Variants in P4HA1 observed in about 807,000 individuals in gnomAD.
The protein encoded by P4HA1 is prolyl 4-hydroxylase subunit alpha 1, also known as prolyl 4-hydroxylase subunit alpha-1.
A neutral mutation model predicts 72.8 loss-of-function variants in P4HA1; 24 were observed. The ratio of observed to expected loss-of-function variants is 0.33; its 90% CI spans 0.24 to 0.46. P4HA1 has a LOEUF of 0.46. P4HA1 is among the 20% of genes least tolerant of loss of function. The pLI is 1.00. For synonymous variants in P4HA1, 201 were observed against 218.8 expected (o/e 0.92, Z 0.72); for missense variants, 446 against 640.6 (o/e 0.70, Z 3.28).
chr10:73,087,122 A>G lies in P4HA1; in HGVS notation c.-33+9644T>C, dbSNP rs532139763. On this transcript the variant is annotated intron_variant, in intron 1 of 14. Coordinates refer to ENST00000394890, the MANE Select transcript of P4HA1 (RefSeq NM_001017962.3). ...CCAACAGCAAAGGATGAAAGTTTCC[A>G]TTGCTCCCATTCTTACCAGCATTTT... 7.9e-5 allele frequency among the ~76,000 whole-genome samples: 12 copies of G among 151,822 alleles called. No individual in the cohort carries two copies. The East Asian group carries it at 2.1e-3, about 27-fold the overall frequency.
chr10:73,018,525 C>A (rs1018570936), intron 10 of P4HA1, among the ~76,000 whole-genome samples: 2 of 152,138 alleles, frequency 1.3e-5, no homozygotes, highest in African/African-American at 4.8e-5. Flanking sequence ...CATGCTTGGC[C>A]ATTCAGGGGT....
In P4HA1 at chr10:73,074,569, T is replaced by C. The variant is rs544820097; in HGVS notation, c.76+239A>G. On this transcript the variant is annotated intron_variant, in intron 2 of 14. Coordinates refer to ENST00000394890, the MANE Select transcript of P4HA1 (RefSeq NM_001017962.3). ...ATATATATGCAGTATATTACTTGTA[T>C]ATCTGTGCACTGAAAAAGACTAAGT... 2.0e-5 allele frequency among the ~76,000 whole-genome samples: 3 copies of C among 152,316 alleles called. No individual in the cohort carries two copies. In the South Asian group the frequency reaches 6.2e-4, roughly 32 times the overall value.
chr10:73,093,121 TAA>T (rs200388165), intron 1 of P4HA1, among the ~76,000 whole-genome samples: 47 of 135,294 alleles, frequency 3.5e-4, no homozygotes, highest in Admixed American at 5.2e-4. Context: ...TCCTATCTCT[TAA>T]AAAAAAAAAA....
At position 73,081,468 on chromosome 10, in the gene P4HA1, A is replaced by G. The variant is rs866714610; in HGVS notation, c.-32-6553T>C. The stretch of plus-strand genomic sequence containing the variant: ...TTACATTTTTTAAACTATAAGAAAA[A>G]AAGCAGTATGGAAGAAATCCTACCA... On this transcript the variant is annotated intron_variant, in intron 1 of 14. Transcript: ENST00000394890. Among the ~76,000 whole-genome samples the G allele has an allele frequency of 2.6e-5, 4 of 152,260 alleles. No homozygotes were observed. The South Asian group carries it at 6.2e-4, about 24-fold the overall frequency.
At chr10:73,060,898 T>C (rs1390893638) in intron 5 of P4HA1, among the ~76,000 whole-genome samples, 1 of 152,180 alleles carries the variant, frequency 6.6e-6, no homozygotes, top group African/African-American at 2.4e-5. Context: ...CTCATTACTC[T>C]GAAAACTGAT....
intron 5 of P4HA1, among the ~76,000 whole-genome samples, chr10:73,056,223 A>C (rs1423805768): frequency 6.6e-6 from 1 of 152,262 alleles, no homozygotes; most frequent in African/African-American, 2.4e-5. Context: ...CGAGGAAATA[A>C]GGAATATATA....
At chr10:73,019,873 A>G (rs912450364) in intron 10 of P4HA1, among the ~76,000 whole-genome samples, 3 of 152,070 alleles carry the variant, frequency 2.0e-5, no homozygotes, top group African/African-American at 7.2e-5. Flanking sequence ...AAAAGGAAAC[A>G]ATAATGAAAA....
intron 10 of P4HA1, among the ~76,000 whole-genome samples, chr10:73,024,031 A>C (rs1280861478): frequency 1.3e-5 from 2 of 152,186 alleles, no homozygotes; most frequent in Non-Finnish European, 2.9e-5. Context: ...ACTCTCACAC[A>C]ATAATAATGA....
chr10:73,073,306 C>G (rs1231663524), intron 3 of P4HA1, among the ~76,000 whole-genome samples: 1 of 150,150 alleles, frequency 6.7e-6, no homozygotes, highest in African/African-American at 2.4e-5. Context: ...ACTGCAGCCT[C>G]CACCTCCCGG....
chr10:73,084,151 G>A (rs1841878351), intron 1 of P4HA1, among the ~76,000 whole-genome samples: 1 of 152,156 alleles, frequency 6.6e-6, no homozygotes, highest in Non-Finnish European at 1.5e-5. Flanking sequence ...GACAGCTTTG[G>A]TTTTTTCACC....
chr10:73,071,940 G>A lies in P4HA1; in HGVS notation c.325+89C>T, dbSNP rs930613490. 6.5e-6 allele frequency: 7 copies of A among 1,068,848 alleles called. No homozygotes were observed. In the African/African-American group the frequency reaches 1.1e-4, roughly 17 times the overall value. 66.2% of individuals were successfully genotyped at this position (1,068,848 alleles called of 1,614,324 possible). A position where few individuals can be genotyped will look rare whatever the true frequency, so the allele number is the denominator to read the frequency against. ...TCCAGTTACAACACTGAACTGAACT[G>A]GTTTCCTGGGAACTGAATTTATCAT... On this transcript the variant is annotated intron_variant, in intron 4 of 14. Coordinates refer to ENST00000394890, the MANE Select transcript of P4HA1 (RefSeq NM_001017962.3).
chr10:73,092,060 T>C (rs368078659), intron 1 of P4HA1, among the ~76,000 whole-genome samples: 57 of 152,306 alleles, frequency 3.7e-4, no homozygotes, highest in East Asian at 2.9e-3. Context: ...TCTTCAATTA[T>C]CTGTTTACTC....
chr10:73,072,231 C>T, intron 3 of P4HA1, 51 bp from the exon 4 acceptor site: 1 of 1,458,148 alleles, frequency 6.9e-7, no homozygotes. Context: ...TAGGGAAAAA[C>T]ACAATTTAAT....
chr10:73,019,725 T>C (rs1347197880), intron 10 of P4HA1, among the ~76,000 whole-genome samples: 1 of 232 alleles, frequency 4.3e-3, no homozygotes, highest in Non-Finnish European at 6.8e-3. Context: ...CGAGACTCTG[T>C]CTCAGAAAAA....
Position 73,012,248 on chromosome 10 carries a change from C to T in P4HA1, c.1369-1211G>A, listed in dbSNP as rs369041687. ...TGGCTTTTAAACATCTGAAAAGATG[C>T]TCAACCTCTCTAATAAGAGAAATGC... On this transcript the variant is annotated intron_variant, in intron 12 of 14. Transcript: ENST00000394890. Among the ~76,000 whole-genome samples the T allele has an allele frequency of 9.9e-5, 15 of 152,262 alleles. No individual in the cohort carries two copies. The East Asian group carries it at 2.7e-3, about 27-fold the overall frequency.
At chr10:73,050,094 A>G (rs984993195) in intron 7 of P4HA1, among the ~76,000 whole-genome samples, 1 of 150,658 alleles carries the variant, frequency 6.6e-6, no homozygotes, top group African/African-American at 2.4e-5. Context: ...TGAACCCAGG[A>G]GGCGGAGGTT....
intron 8 of P4HA1, among the ~76,000 whole-genome samples, chr10:73,045,603 G>C (rs1393071045): frequency 2.0e-5 from 3 of 151,812 alleles, no homozygotes; most frequent in Non-Finnish European, 4.4e-5. Flanking sequence ...CAAAGGCAGA[G>C]GAAAAGAGCT....
At chr10:73,023,829 C>T (rs1356715668) in intron 10 of P4HA1, among the ~76,000 whole-genome samples, 3 of 148,408 alleles carry the variant, frequency 2.0e-5, no homozygotes, top group Admixed American at 1.3e-4. Context: ...AAAAAAGCAG[C>T]GGCTGCAATC....
At chr10:73,093,911 C>T (rs867119236) in intron 1 of P4HA1, among the ~76,000 whole-genome samples, 880 of 84,798 alleles carry the variant, frequency 0.01, 4 homozygotes, top group Middle Eastern at 0.027. Context: ...TATATATACA[C>T]ACACACACAC....
Sources: allele counts gnomAD v4.1 joint callset (sites outside exome capture counted in the v4.1 genomes callset), GRCh38; gene constraint gnomAD v4.1.1; transcripts MANE v1.5; gene names NCBI Gene and HGNC (gene_info 2026-07-23, HGNC 2026-07-21).